The following SMG6 variants were observed in gnomAD, a reference collection of about 807,000 sequenced individuals.
The protein encoded by SMG6 is telomerase-binding protein EST1A.
Under a neutral mutation model 142.2 loss-of-function variants are expected in SMG6, and 66 were observed. That is an observed-to-expected ratio of 0.46 (90% CI 0.38 to 0.57). The LOEUF is 0.57. SMG6 is among the 20% of genes least tolerant of loss of function. The pLI, the probability that SMG6 is intolerant of heterozygous loss-of-function variation, is 0.00. For missense variants in SMG6, 1,793 were observed against 1,832.0 expected, an observed-to-expected ratio of 0.98 and a Z score of 0.39; for synonymous variants, 779 against 702.4, an observed-to-expected ratio of 1.11 and a Z score of -1.72.
At chr17:2,136,799 A>C (rs529155456) in intron 13 of SMG6, among the ~76,000 whole-genome samples, 1 of 151,200 alleles carries the variant, frequency 6.6e-6, no homozygotes, top group Non-Finnish European at 1.5e-5. Flanking sequence ...AAGTCCTTAC[A>C]TAAGTTTAGT....
intron 13 of SMG6, among the ~76,000 whole-genome samples, chr17:2,090,951 G>T (rs2068699778): frequency 6.6e-6 from 1 of 152,190 alleles, no homozygotes; most frequent in Non-Finnish European, 1.5e-5. Flanking sequence ...CAACACCAAG[G>T]CTGGTAAAAT....
At chr17:2,088,088 C>G (rs982828026) in intron 13 of SMG6, 1 of 985,352 alleles carries the variant, frequency 1.0e-6, no homozygotes, top group African/African-American at 1.7e-5. Context: ...TTGGCCTCAC[C>G]TGGACGATGA....
At chr17:2,291,852 TA>T (rs60668132) in intron 6 of SMG6, among the ~76,000 whole-genome samples, 16,918 of 133,344 alleles carry the variant, frequency 0.13, 2,438 homozygotes, top group African/African-American at 0.36. Flanking sequence ...CTGCCTCTCT[TA>T]AAAAAAAAAA....
At chr17:2,176,252 C>A (rs1480883411) in intron 12 of SMG6, among the ~76,000 whole-genome samples, 2 of 152,122 alleles carry the variant, frequency 1.3e-5, no homozygotes. Context: ...TTCCTCATCC[C>A]AACCAGGAGC....
chr17:2,230,387 C>T (rs754935932), intron 10 of SMG6, among the ~76,000 whole-genome samples: 1 of 123,176 alleles, frequency 8.1e-6, no homozygotes, highest in Non-Finnish European at 1.7e-5. Flanking sequence ...GCAAAAGAAA[C>T]GAAATCTGGG....
intron 10 of SMG6, among the ~76,000 whole-genome samples, chr17:2,188,777 C>T (rs1193013144): frequency 1.3e-5 from 2 of 152,186 alleles, no homozygotes; most frequent in Non-Finnish European, 2.9e-5. Flanking sequence ...TCAGGAAGGG[C>T]AGTCTGAGCT....
At chr17:2,153,086 A>G (rs558358686) in intron 13 of SMG6, among the ~76,000 whole-genome samples, 4 of 152,390 alleles carry the variant, frequency 2.6e-5, no homozygotes, top group South Asian at 4.1e-4. Context: ...CAAGAGCTCT[A>G]TATCAAGCTT....
chr17:2,081,947 C>A lies in SMG6; in HGVS notation c.3544G>T (p.Val1182Leu). The change falls in exon 15 of 19, where the codon GTG becomes TTG. Residue 1182 changes from valine (V) to leucine (L), a missense_variant. Coordinates refer to ENST00000263073, the MANE Select transcript of SMG6 (RefSeq NM_017575.5). ...TCTTCCTCAAAGTCTTCAATCACCA[C>A]ATCCTCCTCCTTTGGGTGGTGGAGC... ...GTRLEDEEED[V>L]VIEDFEEDSE... The A allele has an allele frequency of 1.9e-6, 3 of 1,614,174 alleles. No homozygotes were observed. The highest frequency in any genetic ancestry group is 1.3e-5 in the African/African-American group (1 of 75,064).
chr17:2,279,733 A>T (rs2074742195), intron 8 of SMG6, among the ~76,000 whole-genome samples: 1 of 152,138 alleles, frequency 6.6e-6, no homozygotes, highest in Non-Finnish European at 1.5e-5. Context: ...GGAAAGGAAC[A>T]TGTCAAGCAC....
intron 8 of SMG6, among the ~76,000 whole-genome samples, chr17:2,257,399 C>T (rs1250442693): frequency 6.6e-6 from 1 of 152,138 alleles, no homozygotes; most frequent in Non-Finnish European, 1.5e-5. Flanking sequence ...GTGCCTCAGC[C>T]TCCTGAGTAG....
chr17:2,139,007 C>T (rs1253911624), intron 13 of SMG6, among the ~76,000 whole-genome samples: 2 of 152,136 alleles, frequency 1.3e-5, no homozygotes, highest in African/African-American at 2.4e-5. Context: ...AGATGTGTAG[C>T]GTGGCACTGC....
chr17:2,129,985 C>A (rs924683146), intron 13 of SMG6, among the ~76,000 whole-genome samples: 1 of 151,436 alleles, frequency 6.6e-6, no homozygotes, highest in African/African-American at 2.4e-5. Flanking sequence ...AGGCTGGGGG[C>A]GAGGTGGCTC....
intron 12 of SMG6, among the ~76,000 whole-genome samples, chr17:2,176,491 T>C (rs1356898263): frequency 6.6e-6 from 1 of 152,382 alleles, no homozygotes; most frequent in Non-Finnish European, 1.5e-5. Context: ...CAGGTCCTTC[T>C]GGTTTGTTCT....
chr17:2,177,231 C>A (rs1387252051), intron 12 of SMG6, among the ~76,000 whole-genome samples: 1 of 152,222 alleles, frequency 6.6e-6, no homozygotes, highest in Non-Finnish European at 1.5e-5. Flanking sequence ...GGTTACCCAA[C>A]TGCAGCATCC....
chr17:2,285,309 GA>G (rs2074879745), intron 6 of SMG6, among the ~76,000 whole-genome samples: 1 of 152,106 alleles, frequency 6.6e-6, no homozygotes, highest in South Asian at 2.1e-4. Flanking sequence ...GAAAAGTTGG[GA>G]AAATGTTGCT....
chr17:2,107,835 C>T (rs1172821399), intron 13 of SMG6, among the ~76,000 whole-genome samples: 1 of 152,090 alleles, frequency 6.6e-6, no homozygotes, highest in East Asian at 1.9e-4. Context: ...AGGAATGGTG[C>T]CGAAAGGAGG....
rs564757681 is a variant in SMG6, at chr17:2,257,369, C to T, written c.2662-12650G>A. 4.2e-4 allele frequency among the ~76,000 whole-genome samples: 64 copies of T among 152,192 alleles called. 3 individuals carry two copies. The South Asian group carries it at 8.3e-3, about 20-fold the overall frequency. On this transcript the variant is annotated intron_variant, in intron 8 of 18. Transcript: ENST00000263073. ...TTGGGATTACAGGCGTGAGCCACTG[C>T]GCCCGGCCAAAAGAATCCTGTGCCT...
chr17:2,303,081 C>T, intron 1 of SMG6: 4 of 985,454 alleles, frequency 4.1e-6, no homozygotes, highest in Non-Finnish European at 4.8e-6. Flanking sequence ...AAAAACTGCT[C>T]CCACACATGC....
At chr17:2,287,721 A>G (rs2074938918) in intron 6 of SMG6, among the ~76,000 whole-genome samples, 1 of 152,212 alleles carries the variant, frequency 6.6e-6, no homozygotes, top group South Asian at 2.1e-4. Context: ...TCACCCTCCA[A>G]AAGGAGGAAA....
Sources: allele counts gnomAD v4.1 joint callset (sites outside exome capture counted in the v4.1 genomes callset), GRCh38; gene constraint gnomAD v4.1.1; transcripts MANE v1.5; gene names NCBI Gene and HGNC (gene_info 2026-07-23, HGNC 2026-07-21).